The following S100Z variants were observed in gnomAD, a reference collection of about 807,000 sequenced individuals.
S100Z encodes protein S100-Z.
In S100Z, 11 loss-of-function variants were observed where a neutral mutation model predicts 8.5. That is an observed-to-expected ratio of 1.30 (90% CI 0.82 to 2.15). The LOEUF (loss-of-function observed/expected upper bound fraction) is 2.15, where lower values mean the gene tolerates loss of function less well. S100Z is among the 30% of genes most tolerant of loss of function. The probability of loss-of-function intolerance (pLI) is 0.00; values close to 1 mark genes in which losing one functional copy is unlikely to be tolerated. For synonymous variants in S100Z, 34 were observed against 43.8 expected (o/e 0.78, Z 0.89); for missense variants, 126 against 117.9 (o/e 1.07, Z -0.32).
At chr5:76,913,873 GACA>G (rs199722473) in intron 4 of S100Z, among the ~76,000 whole-genome samples, 1,822 of 152,328 alleles carry the variant, frequency 0.012, 41 homozygotes, top group African/African-American at 0.04. Flanking sequence ...TCTGAAATCA[GACA>G]ACACCTTTCA....
intron 1 of S100Z, among the ~76,000 whole-genome samples, chr5:76,862,644 T>TA: frequency 6.6e-6 from 1 of 151,638 alleles, no homozygotes; most frequent in African/African-American, 2.4e-5. Flanking sequence ...ACTATAAATA[T>TA]AAAAAAAATT....
chr5:76,862,015 CCT>C (rs1751070323), intron 1 of S100Z, among the ~76,000 whole-genome samples: 1 of 152,066 alleles, frequency 6.6e-6, no homozygotes, highest in South Asian at 2.1e-4. Context: ...TCGTATTTCT[CCT>C]CTGTCATTAA....
At chr5:76,907,043 T>C (rs1744481256) in intron 4 of S100Z, among the ~76,000 whole-genome samples, 1 of 145,390 alleles carries the variant, frequency 6.9e-6, no homozygotes, top group Admixed American at 6.9e-5. Context: ...TATACCAAAT[T>C]TTCTTTATCC....
chr5:76,905,897 G>T (rs897274688), intron 4 of S100Z, among the ~76,000 whole-genome samples: 1 of 151,760 alleles, frequency 6.6e-6, no homozygotes, highest in Non-Finnish European at 1.5e-5. Flanking sequence ...TGGTATGATC[G>T]TGGTCACTGC....
At chr5:76,859,780 A>G (rs112249561) in intron 1 of S100Z, among the ~76,000 whole-genome samples, 1 of 150,858 alleles carries the variant, frequency 6.6e-6, no homozygotes, top group Non-Finnish European at 1.5e-5. Context: ...AAAAAAAAAA[A>G]AAAAAGAAAT....
At chr5:76,864,310 T>C (rs1313396835) in intron 1 of S100Z, among the ~76,000 whole-genome samples, 1 of 150,648 alleles carries the variant, frequency 6.6e-6, no homozygotes, top group East Asian at 1.9e-4. Context: ...TCCAGTTGTA[T>C]AAAAGTATAG....
At chr5:76,899,849 T>C (rs1744172428) in intron 4 of S100Z, among the ~76,000 whole-genome samples, 1 of 152,220 alleles carries the variant, frequency 6.6e-6, no homozygotes, top group Non-Finnish European at 1.5e-5. Context: ...TTTTGTACCT[T>C]CAGGTGATTA....
intron 1 of S100Z, among the ~76,000 whole-genome samples, chr5:76,860,399 A>G (rs1751021064): frequency 6.6e-6 from 1 of 152,140 alleles, no homozygotes; most frequent in Non-Finnish European, 1.5e-5. Flanking sequence ...CCATTTATGA[A>G]GGGAGCTATA....
At chr5:76,863,792 C>T (rs1381751726) in intron 1 of S100Z, among the ~76,000 whole-genome samples, 1 of 152,168 alleles carries the variant, frequency 6.6e-6, no homozygotes, top group Non-Finnish European at 1.5e-5. Context: ...CCCACCTTGG[C>T]CTCCCAAAGT....
At chr5:76,904,869 TC>T (rs1409822384) in intron 4 of S100Z, among the ~76,000 whole-genome samples, 6 of 152,192 alleles carry the variant, frequency 3.9e-5, no homozygotes, top group Non-Finnish European at 8.8e-5. Flanking sequence ...CTTAATATTG[TC>T]TTTTGTAGAA....
intron 4 of S100Z, among the ~76,000 whole-genome samples, chr5:76,917,527 G>T (rs564740429): frequency 3.1e-4 from 47 of 152,262 alleles, no homozygotes; most frequent in African/African-American, 1.1e-3. Context: ...GGGAAAGCTT[G>T]GGTCAAAAAT....
the S100Z span, among the ~76,000 whole-genome samples, chr5:76,946,426 T>A: frequency 1.3e-5 from 2 of 152,210 alleles, no homozygotes; most frequent in African/African-American, 4.8e-5. Flanking sequence ...CACTACACTC[T>A]ACATTTCAGC....
chr5:76,912,668 T>C (rs924939332), intron 4 of S100Z, among the ~76,000 whole-genome samples: 1 of 152,186 alleles, frequency 6.6e-6, no homozygotes. Flanking sequence ...GGAACCCCCA[T>C]AAAATACGAC....
At chr5:76,915,025 G>T (rs1485677314) in intron 4 of S100Z, among the ~76,000 whole-genome samples, 2 of 152,184 alleles carry the variant, frequency 1.3e-5, no homozygotes, top group Admixed American at 6.5e-5. Flanking sequence ...GACACATAAG[G>T]CCGGGCACGG....
intron 4 of S100Z, among the ~76,000 whole-genome samples, chr5:76,907,274 C>T (rs922769229): frequency 2.4e-4 from 37 of 151,682 alleles, no homozygotes; most frequent in Non-Finnish European, 2.9e-5. Flanking sequence ...TTCCTGATAC[C>T]ATATAGTCTT....
chr5:76,892,465 A>G (rs1468865987), intron 4 of S100Z, among the ~76,000 whole-genome samples: 1 of 152,200 alleles, frequency 6.6e-6, no homozygotes, highest in Non-Finnish European at 1.5e-5. Flanking sequence ...ATTTATTATG[A>G]TGGTGTAAAA....
intron 4 of S100Z, among the ~76,000 whole-genome samples, chr5:76,886,442 T>TAA (rs1293779268): frequency 1.3e-5 from 2 of 152,134 alleles, no homozygotes; most frequent in Non-Finnish European, 2.9e-5. Flanking sequence ...AGAGGCCACT[T>TAA]ACCCGATTTA....
chr5:76,863,735 T>C (rs1751152657), intron 1 of S100Z, among the ~76,000 whole-genome samples: 1 of 152,000 alleles, frequency 6.6e-6, no homozygotes, highest in South Asian at 2.1e-4. Context: ...AGACGGGGTT[T>C]CACCGTGTTA....
the S100Z span, among the ~76,000 whole-genome samples, chr5:76,948,292 C>T: frequency 6.6e-6 from 1 of 151,172 alleles, no homozygotes; most frequent in Non-Finnish European, 1.5e-5. Flanking sequence ...TGCCACAGCA[C>T]TCCAGCCTGG....
Sources: allele counts gnomAD v4.1 joint callset (sites outside exome capture counted in the v4.1 genomes callset), GRCh38; gene constraint gnomAD v4.1.1; transcripts MANE v1.5; gene names NCBI Gene and HGNC (gene_info 2026-07-23, HGNC 2026-07-21).